Variants in CRYBG3 observed in about 807,000 individuals in gnomAD.
CRYBG3 encodes the protein crystallin beta-gamma domain containing 3.
Under a neutral mutation model 244.2 loss-of-function variants are expected in CRYBG3, and 127 were observed. The ratio of observed to expected loss-of-function variants is 0.52; its 90% CI spans 0.45 to 0.60. The LOEUF is 0.60. Among genes scored for constraint, CRYBG3 ranks in the 20% least tolerant of loss-of-function variants. The pLI is 0.00. For missense variants in CRYBG3, 3,325 were observed against 3,442.5 expected (o/e 0.97, Z 0.85); for synonymous variants, 1,132 against 1,195.8 (o/e 0.95, Z 1.10).
intron 17 of CRYBG3, among the ~76,000 whole-genome samples, chr3:97,924,825 A>G (rs900320357): frequency 2.0e-5 from 3 of 152,112 alleles, no homozygotes; most frequent in African/African-American, 7.2e-5. Context: ...GTACCTCTTG[A>G]CCATGTTAGG....
chr3:97,883,677 C>A (rs971673395), intron 7 of CRYBG3, among the ~76,000 whole-genome samples: 1 of 151,830 alleles, frequency 6.6e-6, no homozygotes. Context: ...TCGTGTGTCT[C>A]GAACAGGTTA....
At chr3:97,858,889 C>A (rs893017899) in intron 2 of CRYBG3, among the ~76,000 whole-genome samples, 2 of 151,960 alleles carry the variant, frequency 1.3e-5, no homozygotes, top group African/African-American at 4.8e-5. Flanking sequence ...TTTCATGTTT[C>A]TTGTATTCCT....
Position 97,872,491 on chromosome 3 carries a change from G to A in CRYBG3, c.1297G>A (p.Ala433Thr), listed in dbSNP as rs751013028. The A allele has an allele frequency of 2.1e-5, 33 of 1,536,010 alleles. 1 individual carries two copies. In the South Asian group the frequency reaches 3.9e-4, roughly 18 times the overall value. Reference protein sequence around the residue: ...REELVEPQGPAISDFSCSKSD... With the variant: ...REELVEPQGPTISDFSCSKSD... ...GGAGCTTGTTGAGCCTCAGGGCCCTGCTATTTCTGATTTCTCTTGTAGTAA... is the reference window on the plus strand; with the variant it reads ...GGAGCTTGTTGAGCCTCAGGGCCCTACTATTTCTGATTTCTCTTGTAGTAA... Residue 433 changes from alanine (A) to threonine (T), a missense_variant, in exon 4 of 22, where the codon GCT (alanine) becomes ACT (threonine). Physicochemically the swap from Ala to Thr is moderately conservative, Grantham distance 58 (BLOSUM62 0). Transcript: ENST00000389622.
chr3:97,940,452 G>T (rs931509481), intron 19 of CRYBG3, among the ~76,000 whole-genome samples: 1 of 151,996 alleles, frequency 6.6e-6, no homozygotes, highest in Non-Finnish European at 1.5e-5. Flanking sequence ...TTAGCATGCT[G>T]CTTACACATA....
chr3:97,892,720 T>A, intron 10 of CRYBG3, 140 bp from the exon 11 acceptor site: 1 of 506,264 alleles, frequency 2.0e-6, no homozygotes, highest in Non-Finnish European at 3.4e-6. Context: ...GTAATACACC[T>A]TTTCCATGAA....
intron 21 of CRYBG3, 24 bp from the exon 22 acceptor site, chr3:97,943,202 T>TTTC: frequency 7.2e-7 from 1 of 1,390,572 alleles, no homozygotes; most frequent in Non-Finnish European, 1.0e-6. Context: ...CAAATAATCT[T>TTTC]TTCTTTTGGA....
At chr3:97,908,063 G>A (rs965338991) in intron 15 of CRYBG3, among the ~76,000 whole-genome samples, 1 of 152,200 alleles carries the variant, frequency 6.6e-6, no homozygotes, top group East Asian at 1.9e-4. Context: ...GGTTTTGAGT[G>A]AGATTCCTAA....
intron 1 of CRYBG3, among the ~76,000 whole-genome samples, chr3:97,835,723 G>A (rs1026434668): frequency 2.0e-5 from 3 of 152,110 alleles, no homozygotes; most frequent in African/African-American, 7.2e-5. Flanking sequence ...CAGTTGGGGG[G>A]GAGGTCAGCC....
intron 10 of CRYBG3, among the ~76,000 whole-genome samples, chr3:97,891,997 G>A (rs1370616224): frequency 6.6e-6 from 1 of 152,130 alleles, no homozygotes; most frequent in Non-Finnish European, 1.5e-5. Context: ...CCATTAACTG[G>A]CCTGCTTTTG....
Position 97,864,373 on chromosome 3 carries a change from C to T in CRYBG3, c.373C>T (p.Leu125Phe). 6.5e-7 allele frequency: 1 copy of T among 1,535,798 alleles called. No homozygotes were observed. Among genetic ancestry groups the T allele is most frequent in the South Asian group, 1.2e-5 (1 of 84,030 alleles). ...RQPKESFFQFLGNLFNISGKS... is the reference protein window; with the variant it reads ...RQPKESFFQFFGNLFNISGKS... ...GCCAAAAGAAAGCTTTTTTCAGTTT[C>T]TTGGTAACTTATTCAATATCTCGGG... The change falls in exon 3 of 22, where the codon CTT becomes TTT. Residue 125 changes from leucine to phenylalanine, a missense_variant. Around this residue, in one of 4 missense-constraint regions of CRYBG3, gnomAD observed 1,526 missense variants for 1,443.2 expected, o/e 1.06. Coordinates refer to ENST00000389622, the MANE Select transcript of CRYBG3 (RefSeq NM_153605.4).
intron 17 of CRYBG3, among the ~76,000 whole-genome samples, chr3:97,917,245 CAG>C (rs35508902): frequency 0.24 from 36,417 of 151,804 alleles, 4,653 homozygotes; most frequent in Middle Eastern, 0.33. Context: ...TGAAAATAAA[CAG>C]AGATGTTTTC....
intron 4 of CRYBG3, among the ~76,000 whole-genome samples, chr3:97,878,569 A>T (rs1313955681): frequency 1.3e-5 from 2 of 152,266 alleles, no homozygotes; most frequent in Non-Finnish European, 2.9e-5. Flanking sequence ...TTTAAAAAGC[A>T]TAATACTGAA....
At chr3:97,926,666 G>A (rs573325543) in intron 17 of CRYBG3, among the ~76,000 whole-genome samples, 1 of 152,088 alleles carries the variant, frequency 6.6e-6, no homozygotes, top group East Asian at 1.9e-4. Flanking sequence ...TATACTTAGA[G>A]AACCCCATAG....
rs563986364 is a variant in CRYBG3 at position 97,893,338 on chromosome 3, T to C, written c.7574+345T>C. Among the ~76,000 whole-genome samples the C allele has an allele frequency of 5.9e-5, 9 of 152,374 alleles. No individual in the cohort carries two copies. In the South Asian group the frequency reaches 1.0e-3, roughly 18 times the overall value. ...TTATCCACTATTTTGTTGATCATAC[T>C]TGACTTATGTACCAAGGACCTTGCC... On this transcript the variant is annotated intron_variant, in intron 11 of 21. Coordinates refer to ENST00000389622, the MANE Select transcript of CRYBG3 (RefSeq NM_153605.4).
intron 17 of CRYBG3, among the ~76,000 whole-genome samples, chr3:97,925,950 A>T (rs937282780): frequency 2.6e-5 from 4 of 152,030 alleles, no homozygotes; most frequent in Admixed American, 1.3e-4. Flanking sequence ...GAAGGATTAT[A>T]GTTTACTGGT....
At chr3:97,886,922 A>G (rs777678638) in intron 8 of CRYBG3, among the ~76,000 whole-genome samples, 155 bp downstream of exon 8, 1 of 152,234 alleles carries the variant, frequency 6.6e-6, no homozygotes, top group Non-Finnish European at 1.5e-5. Flanking sequence ...GGATCTAATT[A>G]GAGCTTTGAT....
At chr3:97,824,883 T>G (rs1417826945) in intron 1 of CRYBG3, among the ~76,000 whole-genome samples, 1 of 152,172 alleles carries the variant, frequency 6.6e-6, no homozygotes, top group Non-Finnish European at 1.5e-5. Context: ...TGGTGCAGTG[T>G]TAAGCCCAGT....
intron 15 of CRYBG3, among the ~76,000 whole-genome samples, chr3:97,902,295 G>A (rs966298010): frequency 6.6e-6 from 1 of 152,126 alleles, no homozygotes; most frequent in Non-Finnish European, 1.5e-5. Flanking sequence ...GCCAGAAAAT[G>A]TATGTGTGTA....
At chr3:97,841,212 ATATATG>A (rs1233238961) in intron 1 of CRYBG3, among the ~76,000 whole-genome samples, 3 of 150,422 alleles carry the variant, frequency 2.0e-5, no homozygotes, top group South Asian at 4.2e-4. Flanking sequence ...GTATATATGT[ATATATG>A]TATATGTATA....
Sources: gnomAD v4.1 joint callset for allele counts (sites outside exome capture counted in the v4.1 genomes callset) on GRCh38, gnomAD v4.1.1 for gene constraint, gnomAD v4.1.1 regional missense constraint, MANE v1.5 for transcripts, NCBI Gene and HGNC (gene_info 2026-07-23, HGNC 2026-07-21) for gene names.